GALNT17: variants seen among roughly 807,000 people sequenced by gnomAD.
The protein encoded by GALNT17 is polypeptide N-acetylgalactosaminyltransferase 17, also known as UDP-GalNAc:polypeptide N-acetylgalactosaminyltransferase-like 3.
Under a neutral mutation model 63.7 loss-of-function variants are expected in GALNT17, and 29 were observed. The observed-to-expected ratio is 0.46, with a 90% CI of 0.34 to 0.62. The LOEUF is 0.62. GALNT17 is among the 20% of genes least tolerant of loss of function. The probability of loss-of-function intolerance (pLI) is 0.01; values close to 1 mark genes in which losing one functional copy is unlikely to be tolerated. For missense variants in GALNT17, 603 were observed against 799.6 expected (o/e 0.75, Z 2.97); for synonymous variants, 305 against 318.3 (o/e 0.96, Z 0.45).
intron 1 of GALNT17, among the ~76,000 whole-genome samples, chr7:71,238,122 C>G (rs1231107877): frequency 6.6e-6 from 1 of 152,220 alleles, no homozygotes; most frequent in Non-Finnish European, 1.5e-5. Context: ...GGCAGCTCCC[C>G]TGTGGCACAG....
intron 6 of GALNT17, among the ~76,000 whole-genome samples, chr7:71,650,834 A>G (rs1790743510): frequency 6.6e-6 from 1 of 152,162 alleles, no homozygotes; most frequent in Admixed American, 6.5e-5. Flanking sequence ...AGTCATTTTC[A>G]ATACTTTCCT....
intron 2 of GALNT17, among the ~76,000 whole-genome samples, chr7:71,385,291 C>T (rs1243354278): frequency 6.6e-6 from 1 of 152,122 alleles, no homozygotes; most frequent in East Asian, 1.9e-4. Flanking sequence ...GCCCAGTGGT[C>T]ACCTGCCCAG....
intron 1 of GALNT17, among the ~76,000 whole-genome samples, chr7:71,192,645 C>T (rs78385008): frequency 6.6e-6 from 1 of 152,128 alleles, no homozygotes; most frequent in South Asian, 2.1e-4. Flanking sequence ...AGCCACCCAC[C>T]TTGGCCTCCC....
intron 1 of GALNT17, among the ~76,000 whole-genome samples, chr7:71,237,159 CCTT>C (rs796113411): frequency 5.3e-5 from 8 of 152,268 alleles, no homozygotes; most frequent in African/African-American, 1.9e-4. Flanking sequence ...CAGATCGCCT[CCTT>C]CTTTAAATTG....
intron 1 of GALNT17, among the ~76,000 whole-genome samples, chr7:71,261,193 C>T (rs737214): frequency 0.21 from 31,629 of 152,014 alleles, 3,892 homozygotes; most frequent in South Asian, 0.38. Context: ...CGTGCGGTCA[C>T]GTCTGAGAGT....
intron 6 of GALNT17, among the ~76,000 whole-genome samples, chr7:71,611,881 T>C (rs1433781783): frequency 6.6e-6 from 1 of 151,082 alleles, no homozygotes; most frequent in Non-Finnish European, 1.5e-5. Context: ...GTATTGGGAG[T>C]GTGTGGTACA....
intron 1 of GALNT17, among the ~76,000 whole-genome samples, chr7:71,211,209 CA>C (rs142822600): frequency 0.027 from 4,126 of 152,196 alleles, 185 homozygotes; most frequent in African/African-American, 0.093. Context: ...GGGAGGGACC[CA>C]GGGGGAGGTA....
At chr7:71,506,349 C>T (rs541161195) in intron 5 of GALNT17, among the ~76,000 whole-genome samples, 9 of 152,116 alleles carry the variant, frequency 5.9e-5, no homozygotes, top group Non-Finnish European at 1.2e-4. Context: ...TCACTGCAGC[C>T]TCCGCCTTCT....
At chr7:71,144,043 A>G (rs1787968265) in intron 1 of GALNT17, among the ~76,000 whole-genome samples, 1 of 152,154 alleles carries the variant, frequency 6.6e-6, no homozygotes, top group African/African-American at 2.4e-5. Context: ...CACATCCAGA[A>G]CTAAGAGTCA....
chr7:71,299,997 C>T (rs549249755), intron 1 of GALNT17, among the ~76,000 whole-genome samples: 6 of 152,136 alleles, frequency 3.9e-5, no homozygotes, highest in Non-Finnish European at 5.9e-5. Context: ...AGGCTGGTCT[C>T]GAAATCCTGA....
chr7:71,192,129 A>C (rs1788962865), intron 1 of GALNT17, among the ~76,000 whole-genome samples: 2 of 152,218 alleles, frequency 1.3e-5, no homozygotes, highest in Non-Finnish European at 2.9e-5. Flanking sequence ...GGAAGCATCC[A>C]GCACGAGAGA....
chr7:71,508,040 C>T (rs1263384693), intron 5 of GALNT17, among the ~76,000 whole-genome samples: 1 of 152,180 alleles, frequency 6.6e-6, no homozygotes, highest in African/African-American at 2.4e-5. Context: ...ATTAAGCCCC[C>T]TCATTCTAAT....
At chr7:71,465,239 G>C (rs905231119) in intron 5 of GALNT17, among the ~76,000 whole-genome samples, 1 of 152,096 alleles carries the variant, frequency 6.6e-6, no homozygotes, top group East Asian at 1.9e-4. Flanking sequence ...TATCTCCTCA[G>C]GGGCTAATTT....
At chr7:71,349,638 T>C (rs537705543) in intron 2 of GALNT17, among the ~76,000 whole-genome samples, 12 of 148,286 alleles carry the variant, frequency 8.1e-5, no homozygotes, top group African/African-American at 1.7e-4. Context: ...AATAATTCAA[T>C]TGAATAAATA....
chr7:71,175,176 C>G (rs536599545), intron 1 of GALNT17, among the ~76,000 whole-genome samples: 1 of 151,976 alleles, frequency 6.6e-6, no homozygotes, highest in Non-Finnish European at 1.5e-5. Flanking sequence ...TTCTTCCTTT[C>G]CATCTATCCA....
At chr7:71,527,827 T>TAC (rs1788650933) in intron 5 of GALNT17, among the ~76,000 whole-genome samples, 2 of 151,674 alleles carry the variant, frequency 1.3e-5, no homozygotes, top group African/African-American at 4.9e-5. Flanking sequence ...ACACACACAG[T>TAC]ACACACACAC....
chr7:71,404,699 A>C (rs751342186), intron 3 of GALNT17, among the ~76,000 whole-genome samples: 1 of 152,202 alleles, frequency 6.6e-6, no homozygotes, highest in Non-Finnish European at 1.5e-5. Flanking sequence ...GTATCACCAT[A>C]TATGTGGCTC....
chr7:71,387,806 A>G (rs1324489924), intron 2 of GALNT17, among the ~76,000 whole-genome samples: 1 of 152,100 alleles, frequency 6.6e-6, no homozygotes, highest in Non-Finnish European at 1.5e-5. Context: ...AGATGCAGGT[A>G]GACATATGCC....
At chr7:71,179,096 T>C (rs2116308612) in intron 1 of GALNT17, among the ~76,000 whole-genome samples, 1 of 152,192 alleles carries the variant, frequency 6.6e-6, no homozygotes, top group Non-Finnish European at 1.5e-5. Flanking sequence ...ATACCCTGGG[T>C]CCCCAAAATC....
Sources: allele counts gnomAD v4.1 joint callset (sites outside exome capture counted in the v4.1 genomes callset), GRCh38; gene constraint gnomAD v4.1.1; transcripts MANE v1.5; gene names NCBI Gene and HGNC (gene_info 2026-07-23, HGNC 2026-07-21).